Variants in NID1 observed in about 807,000 individuals in gnomAD.
NID1 encodes nidogen 1.
NID1 carries 76 observed loss-of-function variants against 130.6 expected under a neutral mutation model. That is an observed-to-expected ratio of 0.58 (90% CI 0.48 to 0.70). The LOEUF is 0.70. Among genes scored for constraint, NID1 ranks in the 30% least tolerant of loss-of-function variants. The pLI, the probability that NID1 is intolerant of heterozygous loss-of-function variation, is 0.00. For missense variants in NID1, 1,517 were observed against 1,664.8 expected (o/e 0.91, Z 1.54); for synonymous variants, 665 against 675.1 (o/e 0.98, Z 0.23).
At chr1:235,990,787 C>T in intron 14 of NID1, 99 bp downstream of exon 14, 1 of 1,358,918 alleles carries the variant, frequency 7.4e-7, no homozygotes, top group Admixed American at 1.8e-5. Flanking sequence ...CCCATGGTTC[C>T]AGGGGTTGAG....
chr1:235,996,369 G>A (rs1374228091), intron 12 of NID1, among the ~76,000 whole-genome samples: 3 of 152,184 alleles, frequency 2.0e-5, no homozygotes, highest in Non-Finnish European at 2.9e-5. Flanking sequence ...GGCATGGAGA[G>A]CCAAGGAATG....
intron 15 of NID1, among the ~76,000 whole-genome samples, chr1:235,983,859 C>T (rs1401525127): frequency 6.6e-6 from 1 of 152,000 alleles, no homozygotes; most frequent in African/African-American, 2.4e-5. Flanking sequence ...AGAAAGAAAG[C>T]CTGGGATCCG....
At chr1:235,991,770 T>C (rs2102799759) in intron 13 of NID1, among the ~76,000 whole-genome samples, 1 of 152,310 alleles carries the variant, frequency 6.6e-6, no homozygotes, top group South Asian at 2.1e-4. Flanking sequence ...CTGAACTCCC[T>C]GCCCACAGGG....
intron 13 of NID1, among the ~76,000 whole-genome samples, chr1:235,992,984 C>T (rs1023979500): frequency 9.2e-5 from 14 of 151,962 alleles, no homozygotes; most frequent in South Asian, 4.1e-4. Flanking sequence ...AGACTGGGGA[C>T]GCTGAGGCTG....
chr1:236,010,977 A>T (rs1448033431), intron 12 of NID1, among the ~76,000 whole-genome samples: 2 of 152,148 alleles, frequency 1.3e-5, no homozygotes, highest in Non-Finnish European at 2.9e-5. Context: ...CAACAGCTGT[A>T]AATAGCTGTG....
chr1:236,058,239 A>C (rs1659946604), intron 1 of NID1, among the ~76,000 whole-genome samples: 1 of 152,220 alleles, frequency 6.6e-6, no homozygotes, highest in Non-Finnish European at 1.5e-5. Context: ...AATACTGCTT[A>C]CAACATCAGT....
At chr1:236,045,776 C>T in intron 2 of NID1, 93 bp from the exon 3 acceptor site, 1 of 968,944 alleles carries the variant, frequency 1.0e-6, no homozygotes, top group Non-Finnish European at 1.5e-6. Flanking sequence ...GCGTACAGTG[C>T]TATAGAGCGA....
intron 5 of NID1, 122 bp downstream of exon 5, chr1:236,037,982 G>T: frequency 8.7e-7 from 1 of 1,152,112 alleles, no homozygotes; most frequent in Non-Finnish European, 1.2e-6. Flanking sequence ...ATGTATGGCT[G>T]CCATAAGAAA....
At chr1:236,006,431 A>G (rs1658250372) in intron 12 of NID1, among the ~76,000 whole-genome samples, 1 of 152,210 alleles carries the variant, frequency 6.6e-6, no homozygotes, top group Non-Finnish European at 1.5e-5. Flanking sequence ...CTGATCAAGC[A>G]TCTGACAATC....
chr1:236,062,633 C>CAAA (rs56709890), intron 1 of NID1, among the ~76,000 whole-genome samples: 2 of 104,230 alleles, frequency 1.9e-5, no homozygotes, highest in Admixed American at 9.4e-5. Context: ...GACTCTGTCT[C>CAAA]AAAAAAAAAA....
chr1:235,991,137 A>C (rs1165697968), intron 13 of NID1, 79 bp from the exon 14 acceptor site: 15 of 1,224,640 alleles, frequency 1.2e-5, no homozygotes, highest in East Asian at 2.5e-5. Flanking sequence ...ACCCCCACAC[A>C]CATGCACGCA....
intron 1 of NID1, chr1:236,064,604 G>T: frequency 4.1e-6 from 2 of 490,714 alleles, no homozygotes; most frequent in Non-Finnish European, 7.4e-6. Context: ...GGGGTCCATG[G>T]GTGCCGGGGT....
intron 11 of NID1, among the ~76,000 whole-genome samples, chr1:236,012,726 AC>A (rs1658468947): frequency 6.6e-6 from 1 of 152,216 alleles, no homozygotes; most frequent in African/African-American, 2.4e-5. Flanking sequence ...TAGGCAGAAA[AC>A]CCTCAGTGAA....
chr1:236,042,801 T>C (rs551091274), intron 3 of NID1, among the ~76,000 whole-genome samples: 1 of 116,674 alleles, frequency 8.6e-6, no homozygotes, highest in South Asian at 3.1e-4. Flanking sequence ...GTGTCTTTTG[T>C]AGGCTAATGA....
intron 5 of NID1, among the ~76,000 whole-genome samples, chr1:236,032,984 C>G (rs1344562063): frequency 1.3e-5 from 2 of 152,176 alleles, no homozygotes; most frequent in Non-Finnish European, 2.9e-5. Flanking sequence ...TGACCTAGAA[C>G]TAAGGCGACC....
chr1:236,008,792 A>G (rs904814225), intron 12 of NID1, among the ~76,000 whole-genome samples: 1 of 151,260 alleles, frequency 6.6e-6, no homozygotes, highest in East Asian at 1.9e-4. Context: ...TCAGGCTCCC[A>G]AGTAGCTGGG....
At chr1:236,057,628 G>T (rs1053885163) in intron 1 of NID1, among the ~76,000 whole-genome samples, 1 of 151,982 alleles carries the variant, frequency 6.6e-6, no homozygotes, top group Non-Finnish European at 1.5e-5. Context: ...TACTCAGGAG[G>T]CTGAGGGTGC....
At chr1:236,048,498 G>C (rs1659675775) in intron 2 of NID1, among the ~76,000 whole-genome samples, 192 bp downstream of exon 2, 1 of 152,110 alleles carries the variant, frequency 6.6e-6, no homozygotes, top group Non-Finnish European at 1.5e-5. Context: ...TTAAAACGTA[G>C]AGTTATACAA....
chr1:236,007,934 C>CT (rs61014848), intron 12 of NID1, among the ~76,000 whole-genome samples: 90,190 of 151,822 alleles, frequency 0.59, 27,838 homozygotes, highest in East Asian at 0.76. Context: ...GGCTTTCTAA[C>CT]TTCTAACCAT....
Sources: gnomAD v4.1 joint callset for allele counts (sites outside exome capture counted in the v4.1 genomes callset) on GRCh38, gnomAD v4.1.1 for gene constraint, MANE v1.5 for transcripts, NCBI Gene and HGNC (gene_info 2026-07-23, HGNC 2026-07-21) for gene names.